Variants in ASIC2 observed in about 807,000 individuals in gnomAD.
The protein encoded by ASIC2 is acid-sensing ion channel 2.
Under a neutral mutation model 57.3 loss-of-function variants are expected in ASIC2, and 25 were observed. The ratio of observed to expected loss-of-function variants is 0.44; its 90% CI spans 0.32 to 0.61. The LOEUF (loss-of-function observed/expected upper bound fraction) is 0.61, where lower values mean the gene tolerates loss of function less well. Among genes scored for constraint, ASIC2 ranks in the 20% least tolerant of loss-of-function variants. ASIC2 has a pLI of 0.06. For synonymous variants in ASIC2, 319 were observed against 307.5 expected (o/e 1.04, Z -0.39); for missense variants, 641 against 738.1 (o/e 0.87, Z 1.52).
chr17:33,453,284 G>GAAA (rs3057620), intron 1 of ASIC2, among the ~76,000 whole-genome samples: 1 of 129,644 alleles, frequency 7.7e-6, no homozygotes, highest in Admixed American at 7.6e-5. Flanking sequence ...CAAAGCAGGT[G>GAAA]AAAAAAAAAA....
chr17:33,885,747 C>T (rs1019187022), intron 1 of ASIC2, among the ~76,000 whole-genome samples: 2 of 152,188 alleles, frequency 1.3e-5, no homozygotes, highest in African/African-American at 4.8e-5. Context: ...TTCAAATGCT[C>T]CTTCCTCCAT....
At chr17:34,043,515 C>G (rs1908218100) in intron 1 of ASIC2, among the ~76,000 whole-genome samples, 1 of 152,120 alleles carries the variant, frequency 6.6e-6, no homozygotes, top group Non-Finnish European at 1.5e-5. Context: ...AAAATGATTT[C>G]AAATATATAA....
intron 1 of ASIC2, among the ~76,000 whole-genome samples, chr17:33,918,189 G>A (rs2141963317): frequency 6.6e-6 from 1 of 152,086 alleles, no homozygotes; most frequent in South Asian, 2.1e-4. Flanking sequence ...TTTATCCTTT[G>A]TTGTCTTTTT....
At chr17:33,968,128 T>C (rs1254477736) in intron 1 of ASIC2, among the ~76,000 whole-genome samples, 1 of 152,152 alleles carries the variant, frequency 6.6e-6, no homozygotes, top group Non-Finnish European at 1.5e-5. Context: ...CCATCTACTG[T>C]GCTCCCTCCC....
chr17:33,051,924 G>T (rs891510240), intron 3 of ASIC2, among the ~76,000 whole-genome samples: 7 of 152,106 alleles, frequency 4.6e-5, no homozygotes, highest in East Asian at 1.9e-4. Context: ...TTTATCCAGG[G>T]CCCTTTAAGT....
chr17:33,147,877 T>C (rs1472115901), intron 1 of ASIC2, among the ~76,000 whole-genome samples: 3 of 152,178 alleles, frequency 2.0e-5, no homozygotes, highest in Admixed American at 1.3e-4. Context: ...CTGCGTGCTG[T>C]GGGCGCTGGT....
chr17:33,605,661 C>G (rs1230129783), intron 1 of ASIC2, among the ~76,000 whole-genome samples: 2 of 152,190 alleles, frequency 1.3e-5, no homozygotes, highest in East Asian at 3.9e-4. Flanking sequence ...TACTATTGCT[C>G]TGCATGAAGA....
intron 1 of ASIC2, among the ~76,000 whole-genome samples, chr17:33,456,373 C>T (rs1485720799): frequency 6.6e-6 from 1 of 152,072 alleles, no homozygotes; most frequent in East Asian, 1.9e-4. Context: ...CCAAATAGCC[C>T]CCAGGATGCT....
Position 33,292,570 on chromosome 17 carries a change from C to T in ASIC2, c.-455G>A, listed in dbSNP as rs997744728. 19 of 985,810 alleles carry T rather than the reference C, an allele frequency of 1.9e-5. No homozygotes were observed. The African/African-American group carries it at 3.3e-4, about 17-fold the overall frequency. 61.1% of individuals were successfully genotyped at this position (985,810 alleles called of 1,614,324 possible). On this transcript the variant is annotated 5_prime_UTR_variant, in exon 1 of 10. It introduces an in-frame stop codon into an upstream open reading frame of the 5' UTR. Transcript: ENST00000225823. ...TTTACGCTGGTCCTGGGAGAAGGGCCACTCGGCCACCATGCCTGATCTGGA... is the reference window on the plus strand; with the variant it reads ...TTTACGCTGGTCCTGGGAGAAGGGCTACTCGGCCACCATGCCTGATCTGGA...
At chr17:34,010,103 C>T (rs776809021) in intron 1 of ASIC2, among the ~76,000 whole-genome samples, 15 of 152,186 alleles carry the variant, frequency 9.9e-5, no homozygotes, top group South Asian at 2.1e-4. Flanking sequence ...GGAGGCTCCA[C>T]GTATCTGGTT....
intron 1 of ASIC2, among the ~76,000 whole-genome samples, chr17:33,617,792 C>A (rs562478645): frequency 2.9e-4 from 44 of 152,108 alleles, no homozygotes; most frequent in Non-Finnish European, 6.0e-4. Context: ...CCATGTGACC[C>A]TGGGAAAGCC....
chr17:33,525,149 T>A (rs1914850963), intron 1 of ASIC2, among the ~76,000 whole-genome samples: 1 of 152,172 alleles, frequency 6.6e-6, no homozygotes, highest in Non-Finnish European at 1.5e-5. Context: ...AGTCCTGTAG[T>A]CAGCCTCAGT....
chr17:34,037,804 A>G, intron 1 of ASIC2: 1 of 1,614,196 alleles, frequency 6.2e-7, no homozygotes, highest in Non-Finnish European at 8.5e-7. Context: ...CCTTTGCTTC[A>G]GGTGTTACTA....
intron 1 of ASIC2, among the ~76,000 whole-genome samples, chr17:33,766,768 G>C (rs1264038357): frequency 1.3e-5 from 2 of 152,182 alleles, no homozygotes; most frequent in Admixed American, 6.5e-5. Context: ...GATCTGTGGT[G>C]AAAAGGGTAA....
intron 1 of ASIC2, among the ~76,000 whole-genome samples, chr17:33,643,313 T>G (rs1483308399): frequency 6.6e-6 from 1 of 152,244 alleles, no homozygotes; most frequent in African/African-American, 2.4e-5. Flanking sequence ...ATGTGTAACT[T>G]AAAAATACTT....
intron 1 of ASIC2, chr17:34,038,499 C>T: frequency 6.2e-7 from 1 of 1,612,028 alleles, no homozygotes; most frequent in South Asian, 1.1e-5. Flanking sequence ...TCTGTTAGAT[C>T]AAATGCCTTG....
chr17:33,785,386 G>A (rs1000093157), intron 1 of ASIC2, among the ~76,000 whole-genome samples: 2 of 152,050 alleles, frequency 1.3e-5, no homozygotes, highest in Non-Finnish European at 2.9e-5. Flanking sequence ...AATCTCATTT[G>A]CATTCTGTTT....
At chr17:33,884,672 T>C (rs1005651690) in intron 1 of ASIC2, among the ~76,000 whole-genome samples, 1 of 152,106 alleles carries the variant, frequency 6.6e-6, no homozygotes, top group Admixed American at 6.6e-5. Flanking sequence ...TGCAGGCTCT[T>C]ATATCTTCAA....
chr17:34,135,673 G>C (rs1489869734), intron 1 of ASIC2, among the ~76,000 whole-genome samples: 2 of 151,992 alleles, frequency 1.3e-5, no homozygotes, highest in Non-Finnish European at 2.9e-5. Flanking sequence ...CCCACCACCT[G>C]AAATATTGTT....
Sources: gnomAD v4.1 joint callset for allele counts (sites outside exome capture counted in the v4.1 genomes callset) on GRCh38, gnomAD v4.1.1 for gene constraint, MANE v1.5 for transcripts, NCBI Gene and HGNC (gene_info 2026-07-23, HGNC 2026-07-21) for gene names.